The following YTHDC1 variants were observed in gnomAD, a reference collection of about 807,000 sequenced individuals.
YTHDC1 encodes YTH domain-containing protein 1.
YTHDC1 carries 12 observed loss-of-function variants against 107.0 expected under a neutral mutation model. The ratio of observed to expected loss-of-function variants is 0.11; its 90% CI spans 0.07 to 0.18. The LOEUF (loss-of-function observed/expected upper bound fraction) is 0.18, where lower values mean the gene tolerates loss of function less well. Among genes scored for constraint, YTHDC1 ranks in the 10% least tolerant of loss-of-function variants. The pLI is 1.00. For synonymous variants in YTHDC1, 280 were observed against 289.5 expected (o/e 0.97, Z 0.33); for missense variants, 635 against 898.8 (o/e 0.71, Z 3.75).
intron 1 of YTHDC1, among the ~76,000 whole-genome samples, chr4:68,347,472 G>C (rs1206310056): frequency 6.6e-6 from 1 of 152,154 alleles, no homozygotes; most frequent in Non-Finnish European, 1.5e-5. Context: ...TTCTAGGTAT[G>C]AGTATTATTG....
At chr4:68,324,033 C>CA in intron 10 of YTHDC1, 106 bp downstream of exon 10, 1 of 945,326 alleles carries the variant, frequency 1.1e-6, no homozygotes, top group African/African-American at 1.7e-5. Flanking sequence ...TTCAAATTCT[C>CA]ACGTGGTCTC....
Position 68,338,041 on chromosome 4 carries a change from CAGAGTTAATCTA to C in YTHDC1, c.131-153_131-142del, listed in dbSNP as rs1724413844. On this transcript the variant is annotated intron_variant, in intron 2 of 16. Coordinates refer to ENST00000344157, the MANE Select transcript of YTHDC1 (RefSeq NM_001031732.4). ...AAAGTCTTCTGAGAGATTTCTTCTC[CAGAGTTAATCTA>C]AAAGAAAACATAGCTTTCAACTATG... The C allele has an allele frequency of 2.1e-6, 3 of 1,456,496 alleles. No homozygotes were observed. The Admixed American group carries it at 8.6e-5, about 42-fold the overall frequency. 90.2% of individuals were successfully genotyped at this position (1,456,496 alleles called of 1,614,324 possible).
In YTHDC1 at chr4:68,322,983, T is replaced by A; in HGVS notation, c.1435-68A>T. 6.6e-7 allele frequency: 1 copy of A among 1,522,178 alleles called. No individual in the cohort carries two copies. The highest frequency in any genetic ancestry group is 1.8e-4 in the Middle Eastern group (1 of 5,442). 94.3% of individuals were successfully genotyped at this position (1,522,178 alleles called of 1,614,324 possible). ...TTTCAACAGACTTGCATTTTCCTGA[T>A]GTACCAGAACAAAAACTGACTTGGA... is the stretch of plus-strand genomic sequence containing the variant. On this transcript the variant is annotated intron_variant, in intron 10 of 16. Transcript: ENST00000344157. The surrounding 1 kb of genome is among the most constrained non-coding windows in gnomAD (Gnocchi z 4.8).
rs1178431627 is a variant in YTHDC1 at position 68,349,938 on chromosome 4, C to G, written c.-185G>C. The G allele has an allele frequency of 7.5e-6, 6 of 796,122 alleles. No individual in the cohort carries two copies. The African/African-American group carries it at 1.0e-4, about 14-fold the overall frequency. 49.3% of individuals were successfully genotyped at this position (796,122 alleles called of 1,614,324 possible). A position where few individuals can be genotyped will look rare whatever the true frequency, so the allele number is the denominator to read the frequency against. The stretch of plus-strand genomic sequence containing the variant: ...TCCCGCTTTTTCCCTTTCTCCCTTC[C>G]TTTCACTCCAGCATCCAGCGGCCTA... On this transcript the variant is annotated 5_prime_UTR_variant, in exon 1 of 17. Coordinates refer to ENST00000344157, the MANE Select transcript of YTHDC1 (RefSeq NM_001031732.4).
At chr4:68,336,220 T>G (rs1247414151) in intron 4 of YTHDC1, among the ~76,000 whole-genome samples, 1 of 151,948 alleles carries the variant, frequency 6.6e-6, no homozygotes, top group East Asian at 1.9e-4. Flanking sequence ...TAGTACATTT[T>G]GCTTATGTAG....
At chr4:68,323,004 T>C in intron 10 of YTHDC1, 89 bp from the exon 11 acceptor site, 2 of 1,329,190 alleles carry the variant, frequency 1.5e-6, no homozygotes, top group South Asian at 2.8e-5. Context: ...AAAAACTGAC[T>C]TGGAAGCTTT....
chr4:68,343,174 C>T (rs1051735336), intron 1 of YTHDC1, among the ~76,000 whole-genome samples: 13 of 152,018 alleles, frequency 8.6e-5, no homozygotes, highest in African/African-American at 3.1e-4. Context: ...ATATAGAGAA[C>T]TATAGACATT....
intron 1 of YTHDC1, among the ~76,000 whole-genome samples, chr4:68,343,224 A>T (rs1053343427): frequency 1.1e-4 from 16 of 151,944 alleles, no homozygotes; most frequent in African/African-American, 3.9e-4. Context: ...TTGGAGACAG[A>T]GTCTCTCTCT....
chr4:68,318,426 G>A, intron 15 of YTHDC1, 93 bp downstream of exon 15: 1 of 1,272,676 alleles, frequency 7.9e-7, no homozygotes. Context: ...TCTCTTTAAT[G>A]AGTAACTGTA....
chr4:68,318,748 G>A lies in YTHDC1; in HGVS notation c.1722-19C>T. On this transcript the variant is annotated intron_variant, in intron 13 of 16. Transcript: ENST00000344157. ...AAATCGTCTGTTGGGAATAAGATTT[G>A]TGAAACTAAATTCAGGTAATTCATA... is the stretch of plus-strand genomic sequence containing the variant. 6.2e-7 allele frequency: 1 copy of A among 1,614,076 alleles called. No individual in the cohort carries two copies. The highest frequency in any genetic ancestry group is 8.5e-7 in the Non-Finnish European group (1 of 1,179,986).
chr4:68,346,559 C>T (rs774702993), intron 1 of YTHDC1, among the ~76,000 whole-genome samples: 2 of 152,168 alleles, frequency 1.3e-5, no homozygotes, highest in African/African-American at 4.8e-5. Context: ...GATGAAATTA[C>T]GCACTGTCCC....
intron 4 of YTHDC1, among the ~76,000 whole-genome samples, chr4:68,333,883 T>C (rs1723867456): frequency 6.6e-6 from 1 of 152,200 alleles, no homozygotes. Flanking sequence ...AAAATATATA[T>C]ACCATAATTA....
chr4:68,340,744 A>G (rs1406565887), intron 1 of YTHDC1, among the ~76,000 whole-genome samples: 1 of 152,094 alleles, frequency 6.6e-6, no homozygotes, highest in Non-Finnish European at 1.5e-5. Context: ...ATGCTATACA[A>G]ATCTTTTCAT....
At chr4:68,337,959 AC>A in intron 2 of YTHDC1, 59 bp from the exon 3 acceptor site, 3 of 1,542,098 alleles carry the variant, frequency 1.9e-6, no homozygotes, top group Non-Finnish European at 2.6e-6. Flanking sequence ...CATTTATTTC[AC>A]CAAAGACTGA....
chr4:68,317,047 A>AGAGT (rs1036102358), intron 15 of YTHDC1, among the ~76,000 whole-genome samples: 1 of 152,180 alleles, frequency 6.6e-6, no homozygotes, highest in African/African-American at 2.4e-5. Context: ...CTTGGGTAAC[A>AGAGT]GAGTGAGACC....
chr4:68,315,699 T>A (rs1203472399), intron 16 of YTHDC1, among the ~76,000 whole-genome samples: 19 of 152,134 alleles, frequency 1.2e-4, no homozygotes, highest in Non-Finnish European at 4.4e-5. Flanking sequence ...ACTAGAGTCT[T>A]TTTTTCACTG....
At chr4:68,329,806 T>G in intron 9 of YTHDC1, among the ~76,000 whole-genome samples, 196 bp downstream of exon 9, 1 of 152,332 alleles carries the variant, frequency 6.6e-6, no homozygotes, top group South Asian at 2.1e-4. Context: ...ATTTACTGCT[T>G]TATTACTAAT....
intron 4 of YTHDC1, among the ~76,000 whole-genome samples, chr4:68,335,811 A>C (rs1191569969): frequency 6.6e-6 from 1 of 151,616 alleles, no homozygotes; most frequent in Non-Finnish European, 1.5e-5. Flanking sequence ...ATGTTTTTAC[A>C]ACAAATCCAA....
At chr4:68,318,401 C>T in intron 15 of YTHDC1, 118 bp downstream of exon 15, 2 of 1,036,694 alleles carry the variant, frequency 1.9e-6, no homozygotes, top group Non-Finnish European at 2.8e-6. Flanking sequence ...AGCCACGGCG[C>T]CTGGCCAGTT....
Sources: allele counts gnomAD v4.1 joint callset (sites outside exome capture counted in the v4.1 genomes callset), GRCh38; gene constraint gnomAD v4.1.1; non-coding constraint Gnocchi (gnomAD v3.1); transcripts MANE v1.5; gene names NCBI Gene and HGNC (gene_info 2026-07-23, HGNC 2026-07-21).